The following C2CD3 variants were observed in gnomAD, a reference collection of about 807,000 sequenced individuals.
C2CD3 encodes C2 domain-containing protein 3.
A neutral mutation model predicts 234.0 loss-of-function variants in C2CD3; 148 were observed. That is an observed-to-expected ratio of 0.63 (90% CI 0.55 to 0.72). C2CD3 has a LOEUF of 0.72. Ranked by LOEUF, C2CD3 falls within the 30% of genes least tolerant of loss-of-function variation. The pLI, the probability that C2CD3 is intolerant of heterozygous loss-of-function variation, is 0.00. For synonymous variants in C2CD3, 1,000 were observed against 1,035.4 expected, an observed-to-expected ratio of 0.97 and a Z score of 0.66; for missense variants, 2,577 against 2,811.5, an observed-to-expected ratio of 0.92 and a Z score of 1.89.
chr11:74,163,155 T>G (rs150986134), intron 2 of C2CD3, among the ~76,000 whole-genome samples: 3 of 152,294 alleles, frequency 2.0e-5, no homozygotes, highest in Non-Finnish European at 2.9e-5. Context: ...GAAAAGCATG[T>G]AGGAATTATT....
intron 28 of C2CD3, among the ~76,000 whole-genome samples, chr11:74,046,868 C>T (rs758751609): frequency 7.2e-5 from 11 of 152,210 alleles, no homozygotes; most frequent in African/African-American, 1.4e-4. Context: ...TGCTGTTCTA[C>T]GCATTTCACA....
Position 74,013,353 on chromosome 11 carries a change from G to T in C2CD3, c.*32C>A. 1 of 698,130 alleles carries T rather than the reference G, an allele frequency of 1.4e-6. No homozygotes were observed. Among genetic ancestry groups the T allele is most frequent in the Non-Finnish European group, 2.2e-6 (1 of 464,746 alleles). The allele number at this position is 698,130 out of a possible 1,614,324, so 43.2% of individuals were successfully genotyped here. A position where few individuals can be genotyped will look rare whatever the true frequency, so the allele number is the denominator to read the frequency against. On this transcript the variant is annotated 3_prime_UTR_variant, in exon 33 of 33. Transcript: ENST00000334126. ...GACAAAGCTGACGGAGGGTGGGCAG[G>T]TGTCTCCTTCCCCCCAGCCCCTCAG...
Position 74,118,280 on chromosome 11 carries a change from G to C in C2CD3, c.1468C>G (p.Leu490Val). Residue 490 changes from leucine (L) to valine (V), a missense_variant, in exon 9 of 33, where the codon CTG becomes GTG. By Grantham distance (32) the Leu-to-Val change is conservative. Coordinates refer to ENST00000334126, the MANE Select transcript of C2CD3 (RefSeq NM_001286577.2). Reference protein sequence around the residue: ...STALARSSKVLESSDHKLKKR... With the variant: ...STALARSSKVVESSDHKLKKR... ...TTCAGCTTATGATCACTTGACTCCA[G>C]AACCTTAGATGATCTGGCAAGAGCT... 6.2e-7 allele frequency: 1 copy of C among 1,613,764 alleles called. No homozygotes were observed. Among genetic ancestry groups the C allele is most frequent in the Non-Finnish European group, 8.5e-7 (1 of 1,179,784 alleles).
intron 29 of C2CD3, among the ~76,000 whole-genome samples, chr11:74,040,965 T>A (rs1436621179): frequency 5.9e-5 from 4 of 67,298 alleles, no homozygotes; most frequent in African/African-American, 2.3e-4. Context: ...TTTCCTTAAA[T>A]TTTTTTTTTT....
chr11:74,027,861 G>T (rs1011556974), intron 32 of C2CD3, among the ~76,000 whole-genome samples: 7 of 152,200 alleles, frequency 4.6e-5, no homozygotes, highest in Non-Finnish European at 1.0e-4. Flanking sequence ...TGAATGAATA[G>T]TTATGAGGTG....
chr11:74,059,469 C>T (rs1233117376), intron 24 of C2CD3, among the ~76,000 whole-genome samples: 1 of 151,252 alleles, frequency 6.6e-6, no homozygotes, highest in African/African-American at 2.4e-5. Flanking sequence ...TCCCACTTCT[C>T]CTGATAGGTG....
intron 32 of C2CD3, among the ~76,000 whole-genome samples, chr11:74,023,855 C>A (rs1369762559): frequency 6.6e-6 from 1 of 152,208 alleles, no homozygotes; most frequent in Admixed American, 6.5e-5. Flanking sequence ...GAGTTGGTGT[C>A]TCCATCTTGT....
At chr11:74,059,047 A>C (rs1370853314) in intron 24 of C2CD3, among the ~76,000 whole-genome samples, 3 of 152,160 alleles carry the variant, frequency 2.0e-5, no homozygotes, top group Non-Finnish European at 4.4e-5. Flanking sequence ...TTCAGCTCTA[A>C]AATGCTATGA....
intron 31 of C2CD3, among the ~76,000 whole-genome samples, chr11:74,029,411 G>GT (rs1386221224): frequency 2.0e-5 from 3 of 152,250 alleles, no homozygotes; most frequent in Non-Finnish European, 2.9e-5. Context: ...CTGGGAGACA[G>GT]TAAGTACTCA....
chr11:74,048,055 T>C, intron 28 of C2CD3, 150 bp downstream of exon 28: 3 of 818,794 alleles, frequency 3.7e-6, no homozygotes, highest in South Asian at 1.9e-5. Context: ...TCATACGATC[T>C]TGGGGTTTTT....
At chr11:74,112,050 G>A (rs944577286) in intron 11 of C2CD3, among the ~76,000 whole-genome samples, 2 of 151,832 alleles carry the variant, frequency 1.3e-5, no homozygotes, top group Non-Finnish European at 2.9e-5. Context: ...TTGATTGTCT[G>A]CAAGGATGCA....
At chr11:74,137,081 C>T (rs553700177) in intron 5 of C2CD3, among the ~76,000 whole-genome samples, 2 of 148,318 alleles carry the variant, frequency 1.3e-5, no homozygotes, top group East Asian at 2.0e-4. Flanking sequence ...AGGCTGGACT[C>T]GAACTCCTAG....
intron 24 of C2CD3, among the ~76,000 whole-genome samples, chr11:74,066,436 A>AAAG (rs1565249076): frequency 2.2e-4 from 33 of 150,248 alleles, no homozygotes; most frequent in Non-Finnish European, 3.6e-4. Flanking sequence ...AAAAAAGTCA[A>AAAG]AAAGAAAGAA....
intron 27 of C2CD3, 61 bp downstream of exon 27, chr11:74,049,276 A>G (rs772009602): frequency 2.9e-6 from 4 of 1,381,496 alleles, no homozygotes; most frequent in Non-Finnish European, 4.1e-6. Context: ...ACATGAGTAA[A>G]GGATGTTCTT....
In C2CD3 at chr11:74,138,844, T is replaced by C. The variant is rs570833394; in HGVS notation, c.831A>G (p.Pro277=). 1.1e-5 allele frequency: 18 copies of C among 1,613,884 alleles called. No homozygotes were observed. Among genetic ancestry groups the C allele is most frequent in the Non-Finnish European group, 1.5e-5 (18 of 1,179,850 alleles). The change falls in exon 5 of 33, where the codon CCA becomes CCG. Residue 277 remains proline, a synonymous_variant. Transcript: ENST00000334126. ...LESVTLKGRA[P]RKQMSLLNSS... is the part of the protein sequence containing the mutation. ...TGTTCAGAAGGGACATCTGCTTCCG[T>C]GGAGCTCTGCCTTTCAGAGTTACAG...
intron 3 of C2CD3, among the ~76,000 whole-genome samples, chr11:74,152,297 T>G (rs1855718501): frequency 6.6e-6 from 1 of 152,128 alleles, no homozygotes; most frequent in Non-Finnish European, 1.5e-5. Context: ...TTCAACAACT[T>G]CAATGAAATG....
intron 11 of C2CD3, among the ~76,000 whole-genome samples, chr11:74,109,696 G>C (rs969674450): frequency 4.6e-5 from 7 of 152,170 alleles, no homozygotes; most frequent in African/African-American, 1.7e-4. Flanking sequence ...AGGGGTTTCT[G>C]CTATAACTAT....
chr11:74,123,163 G>C lies in C2CD3; in HGVS notation c.1218-28C>G, dbSNP rs749644707. 4 of 1,578,698 alleles carry C rather than the reference G, an allele frequency of 2.5e-6. No individual in the cohort carries two copies. The African/African-American group carries it at 4.1e-5, about 16-fold the overall frequency. On this transcript the variant is annotated intron_variant, in intron 7 of 32. Transcript: ENST00000334126. ...GCAGAGATAAGAAAACAAAGCAGAA[G>C]AATTTTAATAGAAGTTTCAGCTGAA...
Position 74,170,346 on chromosome 11 carries a change from T to C in C2CD3, c.55+392A>G, listed in dbSNP as rs557888663. 3.3e-5 allele frequency among the ~76,000 whole-genome samples: 5 copies of C among 152,342 alleles called. No individual in the cohort carries two copies. In the South Asian group the frequency reaches 1.0e-3, roughly 32 times the overall value. On this transcript the variant is annotated intron_variant, in intron 1 of 32. Transcript: ENST00000334126. ...TGGTCATTCAGTAATGTATAAAACG[T>C]GATTCTTGCCCACAATCACACAACA...
Sources: allele counts gnomAD v4.1 joint callset (sites outside exome capture counted in the v4.1 genomes callset), GRCh38; gene constraint gnomAD v4.1.1; transcripts MANE v1.5; gene names NCBI Gene and HGNC (gene_info 2026-07-23, HGNC 2026-07-21).